The following GMDS variants were observed in gnomAD, a reference collection of about 807,000 sequenced individuals.
GMDS encodes GDP-mannose 4,6 dehydratase.
In GMDS, 20 loss-of-function variants were observed where a neutral mutation model predicts 49.9. That is an observed-to-expected ratio of 0.40 (90% CI 0.28 to 0.58). GMDS has a LOEUF of 0.58. Among genes scored for constraint, GMDS ranks in the 20% least tolerant of loss-of-function variants. The pLI is 0.42. For missense variants in GMDS, 362 were observed against 481.4 expected (o/e 0.75, Z 2.32); for synonymous variants, 177 against 178.6 (o/e 0.99, Z 0.07).
At chr6:1,688,322 G>T (rs1765056564) in intron 9 of GMDS, among the ~76,000 whole-genome samples, 1 of 152,202 alleles carries the variant, frequency 6.6e-6, no homozygotes, top group Non-Finnish European at 1.5e-5. Context: ...GTGGGCATTT[G>T]CCCCCATTAC....
chr6:1,686,432 ATGAG>A (rs745657541), intron 9 of GMDS, among the ~76,000 whole-genome samples: 2 of 152,200 alleles, frequency 1.3e-5, no homozygotes, highest in African/African-American at 2.4e-5. Flanking sequence ...GGGGAAGCTG[ATGAG>A]TGAGTGTCAC....
intron 7 of GMDS, among the ~76,000 whole-genome samples, chr6:1,924,357 C>G (rs535838880): frequency 3.7e-4 from 57 of 152,088 alleles, no homozygotes; most frequent in Non-Finnish European, 7.5e-4. Context: ...CCAGTAGGAC[C>G]CTTCTGGAGC....
intron 1 of GMDS, among the ~76,000 whole-genome samples, chr6:2,155,855 G>T (rs73716970): frequency 6.6e-6 from 1 of 152,054 alleles, no homozygotes; most frequent in Non-Finnish European, 1.5e-5. Flanking sequence ...TCCCAAATGC[G>T]AATTCTAAAT....
intron 1 of GMDS, among the ~76,000 whole-genome samples, chr6:2,212,348 C>A (rs1780098484): frequency 6.6e-6 from 1 of 152,098 alleles, no homozygotes; most frequent in Admixed American, 6.5e-5. Flanking sequence ...TCAGAATCCA[C>A]CCAAGCTTAG....
At chr6:1,649,668 T>C (rs1763590728) in intron 9 of GMDS, among the ~76,000 whole-genome samples, 1 of 152,210 alleles carries the variant, frequency 6.6e-6, no homozygotes, top group Non-Finnish European at 1.5e-5. Flanking sequence ...GGCATCTTTT[T>C]CCCTTTGCTA....
intron 7 of GMDS, among the ~76,000 whole-genome samples, chr6:1,904,137 G>T (rs574971798): frequency 4.3e-4 from 66 of 152,282 alleles, no homozygotes; most frequent in Middle Eastern, 6.8e-3. Context: ...GGGACAAGCG[G>T]TTCAGAAGAG....
At chr6:1,677,319 A>G (rs115446265) in intron 9 of GMDS, among the ~76,000 whole-genome samples, 6,780 of 152,268 alleles carry the variant, frequency 0.045, 207 homozygotes, top group Middle Eastern at 0.085. Context: ...ATGTGGAGAA[A>G]TAGGATGTGG....
At chr6:1,765,113 AATCTT>A (rs1470128883) in intron 7 of GMDS, among the ~76,000 whole-genome samples, 2 of 152,186 alleles carry the variant, frequency 1.3e-5, no homozygotes, top group African/African-American at 4.8e-5. Context: ...AAACAATTTA[AATCTT>A]TTAAAAAACA....
At chr6:1,728,476 C>T (rs555245968) in intron 8 of GMDS, among the ~76,000 whole-genome samples, 2 of 152,186 alleles carry the variant, frequency 1.3e-5, no homozygotes, top group African/African-American at 4.8e-5. Flanking sequence ...ACTGATTTTT[C>T]GCCTGTAGCT....
intron 4 of GMDS, among the ~76,000 whole-genome samples, chr6:2,080,992 T>C (rs758168407): frequency 2.0e-5 from 3 of 152,144 alleles, no homozygotes; most frequent in Non-Finnish European, 4.4e-5. Flanking sequence ...CTCAATTTTC[T>C]GTAAAACTGA....
chr6:1,944,885 T>C (rs777065343), intron 6 of GMDS, among the ~76,000 whole-genome samples: 1 of 152,180 alleles, frequency 6.6e-6, no homozygotes, highest in Non-Finnish European at 1.5e-5. Context: ...TTGGCTCTAA[T>C]GACAGTTTCT....
At chr6:1,741,420 G>A (rs947036481) in intron 8 of GMDS, among the ~76,000 whole-genome samples, 1 of 152,056 alleles carries the variant, frequency 6.6e-6, no homozygotes, top group East Asian at 1.9e-4. Flanking sequence ...TCACAGGAGT[G>A]ATATCATTCA....
At chr6:1,703,973 T>G (rs1765630899) in intron 9 of GMDS, among the ~76,000 whole-genome samples, 1 of 152,232 alleles carries the variant, frequency 6.6e-6, no homozygotes, top group Non-Finnish European at 1.5e-5. Flanking sequence ...AACCAGATTA[T>G]GTGTTTCTGA....
At chr6:2,207,214 T>A (rs1483271001) in intron 1 of GMDS, among the ~76,000 whole-genome samples, 1 of 151,214 alleles carries the variant, frequency 6.6e-6, no homozygotes, top group East Asian at 1.9e-4. Flanking sequence ...CAAGTTTATG[T>A]CACCAATGAA....
chr6:1,901,433 T>C (rs1760499872), intron 7 of GMDS, among the ~76,000 whole-genome samples: 1 of 151,932 alleles, frequency 6.6e-6, no homozygotes, highest in South Asian at 2.1e-4. Context: ...AAAAAAAACA[T>C]AGAAAAGAAA....
chr6:1,820,307 C>T lies in GMDS; in HGVS notation c.772-77721G>A, dbSNP rs538546428. Reference sequence around the variant, plus strand: ...AGTAAAAACATACACACAAAAAGCACTGGATTTCACAATCAAAGTCCAATG... The same window carrying T: ...AGTAAAAACATACACACAAAAAGCATTGGATTTCACAATCAAAGTCCAATG... On this transcript the variant is annotated intron_variant, in intron 7 of 10. Transcript: ENST00000380815. 1.1e-4 allele frequency among the ~76,000 whole-genome samples: 17 copies of T among 152,298 alleles called. No individual in the cohort carries two copies. In the East Asian group the frequency reaches 3.1e-3, roughly 28 times the overall value.
chr6:1,900,432 C>T (rs1367800681), intron 7 of GMDS, among the ~76,000 whole-genome samples: 1 of 148,250 alleles, frequency 6.7e-6, no homozygotes, highest in Non-Finnish European at 1.5e-5. Context: ...ACCACTTCAA[C>T]TTTAAGACCT....
chr6:2,172,000 T>TA (rs1244397507), intron 1 of GMDS, among the ~76,000 whole-genome samples: 1 of 151,872 alleles, frequency 6.6e-6, no homozygotes. Context: ...ACTGTAGAAT[T>TA]AAAAAAAGAT....
At chr6:1,687,745 G>A (rs1765028816) in intron 9 of GMDS, among the ~76,000 whole-genome samples, 1 of 152,040 alleles carries the variant, frequency 6.6e-6, no homozygotes, top group Non-Finnish European at 1.5e-5. Flanking sequence ...AGAGTGTGGG[G>A]AGCAGTCCTG....
Sources: allele counts gnomAD v4.1 joint callset (sites outside exome capture counted in the v4.1 genomes callset), GRCh38; gene constraint gnomAD v4.1.1; transcripts MANE v1.5; gene names NCBI Gene and HGNC (gene_info 2026-07-23, HGNC 2026-07-21).